Variants in STAC observed in about 807,000 individuals in gnomAD.
The protein encoded by STAC is SH3 and cysteine rich domain.
STAC carries 43 observed loss-of-function variants against 48.8 expected under a neutral mutation model. That is an observed-to-expected ratio of 0.88 (90% CI 0.69 to 1.14). The LOEUF (loss-of-function observed/expected upper bound fraction) is 1.14. Among genes scored for constraint, STAC ranks in the 50% most tolerant of loss-of-function variants. The probability of loss-of-function intolerance (pLI) is 0.00; values close to 1 mark genes in which losing one functional copy is unlikely to be tolerated. For missense variants in STAC, 497 were observed against 504.0 expected (o/e 0.99, Z 0.13); for synonymous variants, 193 against 179.5 (o/e 1.07, Z -0.60).
intron 2 of STAC, among the ~76,000 whole-genome samples, chr3:36,463,040 T>C (rs1697062944): frequency 6.6e-6 from 1 of 152,318 alleles, no homozygotes; most frequent in Non-Finnish European, 1.5e-5. Context: ...TGACTCTTCT[T>C]TCTGTACAAG....
At chr3:36,529,515 G>GT (rs1476794953) in intron 10 of STAC, among the ~76,000 whole-genome samples, 1 of 152,130 alleles carries the variant, frequency 6.6e-6, no homozygotes, top group African/African-American at 2.4e-5. Context: ...AACAATCTCT[G>GT]TATGTCTAAT....
chr3:36,526,799 G>C (rs922071849), intron 8 of STAC, among the ~76,000 whole-genome samples: 1 of 152,180 alleles, frequency 6.6e-6, no homozygotes, highest in South Asian at 2.1e-4. Flanking sequence ...TAAGAACTGT[G>C]TTGAGATAAC....
chr3:36,498,491 C>T (rs906274939), intron 6 of STAC, among the ~76,000 whole-genome samples: 5 of 152,166 alleles, frequency 3.3e-5, no homozygotes, highest in African/African-American at 7.2e-5. Flanking sequence ...CAGTGGCTCA[C>T]GCCTGTAATC....
At chr3:36,535,381 G>A (rs76981388) in intron 10 of STAC, among the ~76,000 whole-genome samples, 1 of 152,146 alleles carries the variant, frequency 6.6e-6, no homozygotes, top group Non-Finnish European at 1.5e-5. Context: ...CTGAGATGAT[G>A]GAGTTTACTT....
At chr3:36,538,957 G>A (rs1699260442) in intron 10 of STAC, among the ~76,000 whole-genome samples, 1 of 151,930 alleles carries the variant, frequency 6.6e-6, no homozygotes, top group South Asian at 2.1e-4. Flanking sequence ...TCATTCTTTG[G>A]TTGGATCATT....
chr3:36,433,814 A>T (rs1700763801), intron 1 of STAC, among the ~76,000 whole-genome samples: 2 of 152,228 alleles, frequency 1.3e-5, no homozygotes, highest in Non-Finnish European at 2.9e-5. Context: ...GCAGTGGCAG[A>T]GCATGCAATC....
At chr3:36,392,048 A>T (rs1699760619) in intron 1 of STAC, among the ~76,000 whole-genome samples, 1 of 152,044 alleles carries the variant, frequency 6.6e-6, no homozygotes, top group Non-Finnish European at 1.5e-5. Flanking sequence ...CCTCCCCTCT[A>T]ACACTCTGTT....
At chr3:36,403,299 C>G (rs1457544827) in intron 1 of STAC, among the ~76,000 whole-genome samples, 1 of 151,994 alleles carries the variant, frequency 6.6e-6, no homozygotes, top group African/African-American at 2.4e-5. Flanking sequence ...TCTCCCAATA[C>G]ATAGAACAAA....
chr3:36,385,322 T>C (rs2125611032), intron 1 of STAC, among the ~76,000 whole-genome samples: 1 of 152,256 alleles, frequency 6.6e-6, no homozygotes, highest in Non-Finnish European at 1.5e-5. Context: ...TTTCCCAGAT[T>C]TCATACATTT....
At chr3:36,490,000 G>A (rs1045962958) in intron 5 of STAC, among the ~76,000 whole-genome samples, 13 of 152,154 alleles carry the variant, frequency 8.5e-5, no homozygotes, top group African/African-American at 3.1e-4. Context: ...GGAGCCGAAC[G>A]ATTTCCATTT....
intron 1 of STAC, among the ~76,000 whole-genome samples, chr3:36,388,906 G>C (rs1699680429): frequency 6.6e-6 from 1 of 152,016 alleles, no homozygotes; most frequent in South Asian, 2.1e-4. Flanking sequence ...CTTAATAATA[G>C]AGTTTGATAA....
intron 1 of STAC, among the ~76,000 whole-genome samples, chr3:36,384,640 A>C (rs1264797944): frequency 6.6e-6 from 1 of 152,136 alleles, no homozygotes; most frequent in East Asian, 1.9e-4. Context: ...TAGTTATGCT[A>C]ATTGATTACA....
chr3:36,441,165 T>C (rs1696336521), intron 1 of STAC, among the ~76,000 whole-genome samples: 2 of 152,222 alleles, frequency 1.3e-5, no homozygotes, highest in African/African-American at 4.8e-5. Flanking sequence ...ATAGTTATCC[T>C]ACAGTGCTAT....
At position 36,380,892 on chromosome 3, in the gene STAC, G is replaced by A. The variant is rs1183168987; in HGVS notation, c.111+138G>A. The A allele has an allele frequency of 4.7e-6, 3 of 639,614 alleles. No homozygotes were observed. The South Asian group carries it at 6.2e-5, about 13-fold the overall frequency. 39.6% of individuals were successfully genotyped at this position (639,614 alleles called of 1,614,324 possible). A position where few individuals can be genotyped will look rare whatever the true frequency, so the allele number is the denominator to read the frequency against. The stretch of plus-strand genomic sequence containing the variant: ...TAGCCCAGGGCTGTAGGACTTGAAC[G>A]TCCGGTAGGACCCGCTGCTCACGAT... On this transcript the variant is annotated intron_variant, in intron 1 of 10. Transcript: ENST00000273183.
intron 2 of STAC, among the ~76,000 whole-genome samples, chr3:36,480,841 G>C (rs1056554765): frequency 3.3e-5 from 5 of 152,146 alleles, no homozygotes; most frequent in African/African-American, 9.7e-5. Context: ...GTTTTCATCA[G>C]GCATCATGCT....
intron 1 of STAC, among the ~76,000 whole-genome samples, chr3:36,423,606 T>A (rs1700494230): frequency 6.6e-6 from 1 of 152,084 alleles, no homozygotes; most frequent in South Asian, 2.1e-4. Flanking sequence ...AAGAAGAAAC[T>A]ATTCATAGAG....
At chr3:36,491,940 GGAAATGGAGCTGAGATTGCACCACT>G (rs1274885354) in intron 5 of STAC, among the ~76,000 whole-genome samples, 2 of 134,730 alleles carry the variant, frequency 1.5e-5, no homozygotes, top group Non-Finnish European at 3.1e-5. Flanking sequence ...CTTGAACCCA[GGAAATGGAGCTGAGATTGCACCACT>G]GCACTCCAGC....
Position 36,529,001 on chromosome 3 carries a change from A to G in STAC, c.1110+16A>G. On this transcript the variant is annotated intron_variant, in intron 10 of 10. Transcript: ENST00000273183. Reference sequence around the variant, plus strand: ...AGAGAATCAGGTGAGTAAACCACACAAACACATTCCAGATATGAGCCAAAT... The same window carrying G: ...AGAGAATCAGGTGAGTAAACCACACGAACACATTCCAGATATGAGCCAAAT... 1 of 1,587,634 alleles carries G rather than the reference A, an allele frequency of 6.3e-7. No homozygotes were observed. The highest frequency in any genetic ancestry group is 8.6e-7 in the Non-Finnish European group (1 of 1,164,688).
intron 3 of STAC, 76 bp downstream of exon 3, chr3:36,483,168 C>T: frequency 8.7e-7 from 1 of 1,145,584 alleles, no homozygotes; most frequent in Non-Finnish European, 1.3e-6. Flanking sequence ...ATCACCCCCT[C>T]CAAAATCCTT....
Sources: gnomAD v4.1 joint callset for allele counts (sites outside exome capture counted in the v4.1 genomes callset) on GRCh38, gnomAD v4.1.1 for gene constraint, MANE v1.5 for transcripts, NCBI Gene and HGNC (gene_info 2026-07-23, HGNC 2026-07-21) for gene names.